Variants in MEGF11 observed in about 807,000 individuals in gnomAD.
MEGF11 encodes the protein multiple EGF like domains 11, also known as multiple epidermal growth factor-like domains protein 11.
Under a neutral mutation model 146.6 loss-of-function variants are expected in MEGF11, and 126 were observed. The observed-to-expected ratio is 0.86, with a 90% CI of 0.74 to 1.00. The LOEUF is 1.00. Among genes scored for constraint, MEGF11 ranks in the 50% least tolerant of loss-of-function variants. The pLI is 0.00. For synonymous variants in MEGF11, 532 were observed against 583.4 expected (o/e 0.91, Z 1.27); for missense variants, 1,509 against 1,521.2 (o/e 0.99, Z 0.13).
chr15:66,214,128 C>T (rs138470529), intron 1 of MEGF11, among the ~76,000 whole-genome samples: 11 of 151,174 alleles, frequency 7.3e-5, no homozygotes, highest in African/African-American at 2.2e-4. Context: ...CTCTGCCTCC[C>T]GGGTTCAAGT....
chr15:66,016,831 T>C (rs2082903669), intron 5 of MEGF11, among the ~76,000 whole-genome samples: 1 of 152,232 alleles, frequency 6.6e-6, no homozygotes, highest in African/African-American at 2.4e-5. Flanking sequence ...GGTGTACTTG[T>C]CTGCTCCCTG....
intron 9 of MEGF11, among the ~76,000 whole-genome samples, chr15:65,963,469 G>GTAATTCATATCTCTGATATTGGC (rs2080941680): frequency 6.6e-6 from 1 of 151,022 alleles, no homozygotes; most frequent in Non-Finnish European, 1.5e-5. Flanking sequence ...CTGATATTGG[G>GTAATTCATATCTCTGATATTGGC]TAATTCATAT....
intron 5 of MEGF11, among the ~76,000 whole-genome samples, chr15:66,072,759 C>G (rs1368400633): frequency 6.6e-6 from 1 of 152,340 alleles, no homozygotes; most frequent in South Asian, 2.1e-4. Context: ...GGACAACTAT[C>G]ATCCATAGGC....
intron 1 of MEGF11, among the ~76,000 whole-genome samples, chr15:66,211,449 G>A (rs574114340): frequency 5.8e-4 from 88 of 151,856 alleles, no homozygotes; most frequent in African/African-American, 2.0e-3. Context: ...GCGTGAACCC[G>A]GGAGGGGGAG....
At chr15:65,958,438 A>G (rs1401653981) in intron 9 of MEGF11, among the ~76,000 whole-genome samples, 5 of 149,436 alleles carry the variant, frequency 3.3e-5, no homozygotes, top group Non-Finnish European at 7.4e-5. Context: ...GCCAATGTCT[A>G]TTCATGATCA....
Position 65,909,800 on chromosome 15 carries a change from T to A in MEGF11, c.2836A>T (p.Asn946Tyr). The A allele has an allele frequency of 6.3e-7, 1 of 1,578,058 alleles. No homozygotes were observed. ...GCTGTGTCTCTGTCAAGGGACTTGT[T>A]ACTGAGCTGTTTGGAGAGTAGGAGA... ...LDRNSPTKLSNKSLDRDTAGW... is the reference protein window; with the variant it reads ...LDRNSPTKLSYKSLDRDTAGW... The change falls in exon 22 of 26, where the codon AAC (asparagine) becomes TAC (tyrosine). Residue 946 changes from asparagine to tyrosine, a missense_variant. Coordinates refer to ENST00000395614, the MANE Select transcript of MEGF11 (RefSeq NM_001385028.1).
intron 10 of MEGF11, among the ~76,000 whole-genome samples, chr15:65,935,322 GAAAAAAAAAAAAAAAAAAAAAAAAAA>G (rs71139449): frequency 3.1e-4 from 11 of 35,204 alleles, no homozygotes; most frequent in South Asian, 1.4e-3. Context: ...TCCGTCTCAA[GAAAAAAAAAAAAAAAAAAAAAAAAAA>G]AAAAAAAAAA....
chr15:65,966,143 G>A (rs945818657), intron 8 of MEGF11, among the ~76,000 whole-genome samples: 3 of 152,094 alleles, frequency 2.0e-5, no homozygotes, highest in Admixed American at 1.3e-4. Context: ...CTACAGGGGT[G>A]CACTGCCACG....
chr15:65,968,919 A>C (rs182556928), intron 8 of MEGF11, among the ~76,000 whole-genome samples: 162 of 152,326 alleles, frequency 1.1e-3, no homozygotes, highest in Non-Finnish European at 1.9e-3. Context: ...GGGTGGGTTA[A>C]TGCAGCTGTC....
At chr15:65,961,134 CAG>C (rs1251315319) in intron 9 of MEGF11, among the ~76,000 whole-genome samples, 1 of 152,196 alleles carries the variant, frequency 6.6e-6, no homozygotes, top group Non-Finnish European at 1.5e-5. Flanking sequence ...TGTCCCTCAG[CAG>C]AGTGACTTGC....
At chr15:66,212,195 G>C (rs937328812) in intron 1 of MEGF11, among the ~76,000 whole-genome samples, 1 of 152,086 alleles carries the variant, frequency 6.6e-6, no homozygotes, top group South Asian at 2.1e-4. Flanking sequence ...GGCAGGGCAA[G>C]GAAGGGCAAC....
chr15:66,011,437 G>T (rs575130351), intron 5 of MEGF11, among the ~76,000 whole-genome samples: 1 of 152,100 alleles, frequency 6.6e-6, no homozygotes, highest in Non-Finnish European at 1.5e-5. Context: ...AGCGAGATGC[G>T]GAAAGCTGTG....
At chr15:66,211,376 T>C (rs963734294) in intron 1 of MEGF11, among the ~76,000 whole-genome samples, 19 of 151,876 alleles carry the variant, frequency 1.3e-4, no homozygotes, top group Admixed American at 4.6e-4. Context: ...ACAAAAAAAT[T>C]AGCCGAGCAT....
At chr15:66,014,702 G>C (rs182773311) in intron 5 of MEGF11, among the ~76,000 whole-genome samples, 76 of 152,216 alleles carry the variant, frequency 5.0e-4, no homozygotes, top group African/African-American at 1.8e-3. Context: ...ACATGGAGAT[G>C]CCACTTTCTG....
chr15:66,246,283 T>A (rs569088542), intron 1 of MEGF11, among the ~76,000 whole-genome samples: 45 of 151,546 alleles, frequency 3.0e-4, no homozygotes, highest in African/African-American at 8.3e-4. Context: ...ATTTTTTTTT[T>A]AAAAAAAGCA....
intron 5 of MEGF11, among the ~76,000 whole-genome samples, chr15:65,988,577 G>T (rs1283798031): frequency 2.6e-5 from 4 of 152,278 alleles, no homozygotes; most frequent in South Asian, 4.2e-4. Flanking sequence ...TGAACACTGG[G>T]ATATAAGTAT....
At chr15:66,052,175 G>GT (rs2084474770) in intron 5 of MEGF11, among the ~76,000 whole-genome samples, 1 of 152,172 alleles carries the variant, frequency 6.6e-6, no homozygotes, top group African/African-American at 2.4e-5. Flanking sequence ...TCAGAGCAAA[G>GT]TAATTGTTTA....
chr15:65,910,881 G>A (rs1596822094), intron 21 of MEGF11, among the ~76,000 whole-genome samples: 1 of 152,130 alleles, frequency 6.6e-6, no homozygotes, highest in South Asian at 2.1e-4. Flanking sequence ...CCATGGCCCT[G>A]CTCCCCACTG....
At chr15:66,171,590 T>C (rs1317504772) in intron 1 of MEGF11, among the ~76,000 whole-genome samples, 1 of 151,890 alleles carries the variant, frequency 6.6e-6, no homozygotes, top group East Asian at 1.9e-4. Flanking sequence ...CTCCAGAGGC[T>C]CTCTCTAGCT....
Sources: gnomAD v4.1 joint callset for allele counts (sites outside exome capture counted in the v4.1 genomes callset) on GRCh38, gnomAD v4.1.1 for gene constraint, MANE v1.5 for transcripts, NCBI Gene and HGNC (gene_info 2026-07-23, HGNC 2026-07-21) for gene names.